The following ATRNL1 variants were observed in gnomAD, a reference collection of about 807,000 sequenced individuals.
ATRNL1 encodes the protein attractin-like protein 1.
In ATRNL1, 95 loss-of-function variants were observed where a neutral mutation model predicts 182.7. The ratio of observed to expected loss-of-function variants is 0.52; its 90% CI spans 0.44 to 0.62. The LOEUF is 0.62. Ranked by LOEUF, ATRNL1 falls within the 20% of genes least tolerant of loss-of-function variation. The pLI is 0.00. For synonymous variants in ATRNL1, 576 were observed against 568.3 expected (o/e 1.01, Z -0.19); for missense variants, 1,471 against 1,679.5 (o/e 0.88, Z 2.17).
intron 24 of ATRNL1, among the ~76,000 whole-genome samples, chr10:115,502,144 G>A (rs12256874): frequency 0.015 from 2,337 of 152,026 alleles, 55 homozygotes; most frequent in African/African-American, 0.053. Context: ...CAGAATTATG[G>A]GAGTTTTCCA....
intron 21 of ATRNL1, among the ~76,000 whole-genome samples, chr10:115,435,565 G>T (rs1846368279): frequency 1.3e-5 from 2 of 152,118 alleles, no homozygotes; most frequent in South Asian, 4.1e-4. Context: ...CACAAAACAG[G>T]CTAAGACATA....
chr10:115,888,134 A>C (rs1951995626), intron 28 of ATRNL1, among the ~76,000 whole-genome samples: 1 of 152,148 alleles, frequency 6.6e-6, no homozygotes, highest in African/African-American at 2.4e-5. Flanking sequence ...CTAAGGTAGC[A>C]GTCCTCTCTC....
chr10:115,184,831 G>T (rs1305323119), intron 8 of ATRNL1, among the ~76,000 whole-genome samples: 1 of 151,828 alleles, frequency 6.6e-6, no homozygotes, highest in Non-Finnish European at 1.5e-5. Flanking sequence ...GGGATGAAAA[G>T]AACTAATGCA....
chr10:115,178,283 A>G (rs1347527761), intron 8 of ATRNL1, among the ~76,000 whole-genome samples: 1 of 152,122 alleles, frequency 6.6e-6, no homozygotes, highest in African/African-American at 2.4e-5. Flanking sequence ...TCAAGTGCTT[A>G]GGTGTGACAG....
At chr10:115,269,082 G>A (rs1297271859) in intron 13 of ATRNL1, among the ~76,000 whole-genome samples, 1 of 152,112 alleles carries the variant, frequency 6.6e-6, no homozygotes, top group Non-Finnish European at 1.5e-5. Context: ...ATCTAAAGTA[G>A]AGTTTTAGCA....
chr10:115,471,532 C>T (rs556236248), intron 24 of ATRNL1, among the ~76,000 whole-genome samples: 2 of 151,066 alleles, frequency 1.3e-5, no homozygotes, highest in South Asian at 4.2e-4. Flanking sequence ...TTGATAATGG[C>T]CATCATAACA....
At chr10:115,700,008 A>AGG (rs1946681522) in intron 26 of ATRNL1, among the ~76,000 whole-genome samples, 1 of 152,206 alleles carries the variant, frequency 6.6e-6, no homozygotes, top group Non-Finnish European at 1.5e-5. Context: ...GTTGCTGCAA[A>AGG]GGACAAGATT....
chr10:115,865,538 T>C (rs1555104554), intron 28 of ATRNL1, among the ~76,000 whole-genome samples: 1 of 152,092 alleles, frequency 6.6e-6, no homozygotes, highest in African/African-American at 2.4e-5. Flanking sequence ...TATATATGTA[T>C]GTGTATCTCT....
chr10:115,447,433 A>G (rs1554966873), intron 21 of ATRNL1, among the ~76,000 whole-genome samples: 1 of 151,594 alleles, frequency 6.6e-6, no homozygotes, highest in East Asian at 1.9e-4. Flanking sequence ...TTTATTGAGT[A>G]CTTTATATAT....
At chr10:115,571,274 A>T (rs574280842) in intron 26 of ATRNL1, among the ~76,000 whole-genome samples, 4 of 152,328 alleles carry the variant, frequency 2.6e-5, no homozygotes, top group Admixed American at 1.3e-4. Context: ...AAACGTGTGG[A>T]AAAATGGATT....
At chr10:115,819,334 T>A (rs1194459511) in intron 27 of ATRNL1, among the ~76,000 whole-genome samples, 11 of 152,178 alleles carry the variant, frequency 7.2e-5, no homozygotes, top group Non-Finnish European at 1.5e-4. Flanking sequence ...ACTTGATTTC[T>A]TGGTTAATTG....
chr10:115,178,917 T>C (rs1262777274), intron 8 of ATRNL1, among the ~76,000 whole-genome samples: 1 of 132,370 alleles, frequency 7.6e-6, no homozygotes, highest in Admixed American at 7.5e-5. Context: ...TTATAGGTAC[T>C]CTTTTTTTTT....
intron 26 of ATRNL1, among the ~76,000 whole-genome samples, chr10:115,557,326 A>G (rs1335899716): frequency 1.3e-5 from 2 of 152,186 alleles, no homozygotes; most frequent in African/African-American, 4.8e-5. Flanking sequence ...ATGGCATTTG[A>G]AACCCTGAGC....
intron 1 of ATRNL1, among the ~76,000 whole-genome samples, chr10:115,112,792 T>G (rs782596970): frequency 3.9e-5 from 6 of 152,180 alleles, no homozygotes; most frequent in Non-Finnish European, 8.8e-5. Flanking sequence ...ATTCTCTAAT[T>G]GAAGAGGACT....
Position 115,151,156 on chromosome 10 carries a change from A to C in ATRNL1, c.830-8884A>C, listed in dbSNP as rs528318222. Reference sequence around the variant, plus strand: ...TTTGGGTTGGTCCCAAGTCTTTGCTATTGTGAATAGTGCCGCAATAAACAT... The same window carrying C: ...TTTGGGTTGGTCCCAAGTCTTTGCTCTTGTGAATAGTGCCGCAATAAACAT... On this transcript the variant is annotated intron_variant, in intron 5 of 28. Coordinates refer to ENST00000355044, the MANE Select transcript of ATRNL1 (RefSeq NM_207303.4). Among the ~76,000 whole-genome samples, 4 of 152,276 alleles carry C rather than the reference A, an allele frequency of 2.6e-5. No individual in the cohort carries two copies. The East Asian group carries it at 7.7e-4, about 29-fold the overall frequency.
At position 115,911,771 on chromosome 10, in the gene ATRNL1, C is replaced by T. The variant is rs189970675; in HGVS notation, c.4019-32887C>T. On this transcript the variant is annotated intron_variant, in intron 28 of 28. Transcript: ENST00000355044. ...CACCAAGCCCTTAGCAGGCAGCTGC[C>T]ATGGGAAGAGCACAAGGAAGAGCAC... 8.5e-4 allele frequency among the ~76,000 whole-genome samples: 129 copies of T among 152,222 alleles called. 1 individual carries two copies. Among genetic ancestry groups the T allele is most frequent in the African/African-American group, 2.8e-3 (115 of 41,534 alleles).
Position 115,941,595 on chromosome 10 carries a change from A to G in ATRNL1, c.4019-3063A>G, listed in dbSNP as rs7077143. Among the ~76,000 whole-genome samples, 733 of 152,364 alleles carry G rather than the reference A, an allele frequency of 4.8e-3. 6 individuals carry two copies. The highest frequency in any genetic ancestry group is 0.017 in the African/African-American group (701 of 41,594). On this transcript the variant is annotated intron_variant, in intron 28 of 28. Coordinates refer to ENST00000355044, the MANE Select transcript of ATRNL1 (RefSeq NM_207303.4). ...GATTTCATATTTGGATGTTGTGATC[A>G]TTGAAATTAGTGTAAGTGGTCTCTG... is the stretch of plus-strand genomic sequence containing the variant.
intron 26 of ATRNL1, among the ~76,000 whole-genome samples, chr10:115,600,860 T>C (rs1200868692): frequency 1.3e-5 from 2 of 151,854 alleles, no homozygotes; most frequent in African/African-American, 4.8e-5. Context: ...GCTTTTTTAT[T>C]TGAGTCTATG....
chr10:115,894,448 C>CA (rs1952157058), intron 28 of ATRNL1, among the ~76,000 whole-genome samples: 1 of 152,052 alleles, frequency 6.6e-6, no homozygotes, highest in African/African-American at 2.4e-5. Flanking sequence ...AGGGAGCACC[C>CA]AAGAGAATTT....
Sources: gnomAD v4.1 joint callset for allele counts (sites outside exome capture counted in the v4.1 genomes callset) on GRCh38, gnomAD v4.1.1 for gene constraint, MANE v1.5 for transcripts, NCBI Gene and HGNC (gene_info 2026-07-23, HGNC 2026-07-21) for gene names.